BTBD7: variants seen among roughly 807,000 people sequenced by gnomAD.
BTBD7 encodes the protein BTB domain containing 7.
In BTBD7, 38 loss-of-function variants were observed where a neutral mutation model predicts 99.9. The ratio of observed to expected loss-of-function variants is 0.38; its 90% CI spans 0.29 to 0.50. The LOEUF (loss-of-function observed/expected upper bound fraction) is 0.50, where lower values mean the gene tolerates loss of function less well. Among genes scored for constraint, BTBD7 ranks in the 20% least tolerant of loss-of-function variants. BTBD7 has a pLI of 0.93. For synonymous variants in BTBD7, 520 were observed against 511.4 expected, an observed-to-expected ratio of 1.02 and a Z score of -0.23; for missense variants, 1,170 against 1,394.6, an observed-to-expected ratio of 0.84 and a Z score of 2.57.
chr14:93,296,115 T>C lies in BTBD7; in HGVS notation c.-64A>G. ...CAGAGTATAATCCCAGAGGCCTTTA[T>C]GAACCTTCAACCCTGGATCCAGCAG... On this transcript the variant is annotated 5_prime_UTR_variant, in exon 2 of 11. Coordinates refer to ENST00000334746, the MANE Select transcript of BTBD7 (RefSeq NM_001002860.4). 1.3e-6 allele frequency: 2 copies of C among 1,566,036 alleles called. No homozygotes were observed. Among genetic ancestry groups the C allele is most frequent in the East Asian group, 2.3e-5 (1 of 43,312 alleles).
At chr14:93,264,053 G>T in intron 3 of BTBD7, 60 bp from the exon 4 acceptor site, 1 of 1,455,044 alleles carries the variant, frequency 6.9e-7, no homozygotes, top group Non-Finnish European at 9.6e-7. Flanking sequence ...TTGAACATTA[G>T]TGTGCTAGGC....
intron 6 of BTBD7, chr14:93,256,712 C>G (rs2052434579): frequency 6.6e-6 from 1 of 152,476 alleles, no homozygotes; most frequent in East Asian, 1.9e-4. Context: ...AGCCACCGCG[C>G]CCAGCCAATT....
At chr14:93,282,369 T>C (rs1445328347) in intron 3 of BTBD7, among the ~76,000 whole-genome samples, 1 of 151,572 alleles carries the variant, frequency 6.6e-6, no homozygotes, top group East Asian at 1.9e-4. Flanking sequence ...TTCGCTCTGT[T>C]GCCCAGGCTG....
intron 1 of BTBD7, among the ~76,000 whole-genome samples, chr14:93,318,238 A>C (rs1224242482): frequency 6.6e-6 from 1 of 152,202 alleles, no homozygotes; most frequent in Admixed American, 6.5e-5. Flanking sequence ...GCTGGTAATC[A>C]AGAATAAAGC....
intron 3 of BTBD7, among the ~76,000 whole-genome samples, chr14:93,273,209 C>T (rs733559): frequency 0.38 from 58,423 of 151,980 alleles, 12,413 homozygotes; most frequent in African/African-American, 0.58. Flanking sequence ...AAATGAGGTA[C>T]ATGTGGAAGG....
intron 3 of BTBD7, among the ~76,000 whole-genome samples, chr14:93,278,318 G>A (rs369823445): frequency 6.6e-6 from 1 of 152,216 alleles, no homozygotes; most frequent in African/African-American, 2.4e-5. Context: ...GGAAGCTGAG[G>A]TAGGAGAATC....
chr14:93,315,996 G>A (rs554539908), intron 1 of BTBD7, among the ~76,000 whole-genome samples: 11 of 150,728 alleles, frequency 7.3e-5, no homozygotes, highest in African/African-American at 2.7e-4. Flanking sequence ...TTGTTGCCCA[G>A]GATGGAGTAC....
At chr14:93,328,927 A>G (rs1182801456) in intron 1 of BTBD7, among the ~76,000 whole-genome samples, 1 of 152,214 alleles carries the variant, frequency 6.6e-6, no homozygotes, top group African/African-American at 2.4e-5. Flanking sequence ...TCTTTAAAAA[A>G]GAAAGAAAAC....
At chr14:93,331,078 C>G (rs990277197) in intron 1 of BTBD7, among the ~76,000 whole-genome samples, 2 of 151,908 alleles carry the variant, frequency 1.3e-5, no homozygotes, top group Non-Finnish European at 2.9e-5. Context: ...CGAAATATCA[C>G]TCCGTTTTTA....
intron 3 of BTBD7, among the ~76,000 whole-genome samples, chr14:93,276,621 G>A (rs2052658982): frequency 6.6e-6 from 1 of 152,104 alleles, no homozygotes; most frequent in African/African-American, 2.4e-5. Context: ...AAATGAGAAG[G>A]CTATCTACCT....
chr14:93,271,761 T>C (rs970330740), intron 3 of BTBD7, among the ~76,000 whole-genome samples: 1 of 152,122 alleles, frequency 6.6e-6, no homozygotes, highest in East Asian at 1.9e-4. Context: ...TCCCAGCACT[T>C]TGGGAGGCCA....
At chr14:93,271,630 G>C (rs1394619424) in intron 3 of BTBD7, among the ~76,000 whole-genome samples, 1 of 152,146 alleles carries the variant, frequency 6.6e-6, no homozygotes, top group Non-Finnish European at 1.5e-5. Flanking sequence ...AGTGAGTGTG[G>C]CAGGAAGTGA....
rs922607373 is a variant in BTBD7, at chr14:93,241,009, C to T, written c.*1264G>A. On this transcript the variant is annotated 3_prime_UTR_variant, in exon 11 of 11. Coordinates refer to ENST00000334746, the MANE Select transcript of BTBD7 (RefSeq NM_001002860.4). ...CAAATAACATCCATGAGACTGAAGC[C>T]CTTTTGTTTTTTTCCCATAGAGAGC... The T allele has an allele frequency of 6.6e-6, 1 of 152,124 alleles. No homozygotes were observed. Among genetic ancestry groups the T allele is most frequent in the Non-Finnish European group, 1.5e-5 (1 of 68,034 alleles). The allele number at this position is 152,124 out of a possible 1,614,324, so 9.4% of individuals were successfully genotyped here.
intron 2 of BTBD7, 107 bp downstream of exon 2, chr14:93,295,860 AATT>A: frequency 2.0e-6 from 2 of 992,848 alleles, no homozygotes; most frequent in East Asian, 2.7e-5. Context: ...GATGCTGCAG[AATT>A]ATTATAATAA....
chr14:93,312,176 T>C (rs1473319609), intron 1 of BTBD7, among the ~76,000 whole-genome samples: 2 of 152,224 alleles, frequency 1.3e-5, no homozygotes, highest in South Asian at 2.1e-4. Context: ...TTTTAAGTGA[T>C]ATATTTTTAT....
chr14:93,325,737 T>C (rs1382932165), intron 1 of BTBD7, among the ~76,000 whole-genome samples: 2 of 126,118 alleles, frequency 1.6e-5, no homozygotes, highest in Admixed American at 7.4e-5. Context: ...ATTCCCAGTC[T>C]GGTGTTCTAT....
At chr14:93,307,345 G>C (rs930524552) in intron 1 of BTBD7, among the ~76,000 whole-genome samples, 3 of 152,102 alleles carry the variant, frequency 2.0e-5, no homozygotes, top group African/African-American at 4.8e-5. Context: ...TGTAGAGACA[G>C]GGCCTCACTA....
chr14:93,253,474 T>C (rs2052390927), intron 7 of BTBD7, among the ~76,000 whole-genome samples, 173 bp downstream of exon 7: 2 of 152,222 alleles, frequency 1.3e-5, no homozygotes, highest in African/African-American at 4.8e-5. Flanking sequence ...TTAATTAAAA[T>C]TAAACGTTTT....
Position 93,269,102 on chromosome 14 carries a change from T to C in BTBD7, c.1163-5109A>G, listed in dbSNP as rs554311502. Among the ~76,000 whole-genome samples the C allele has an allele frequency of 6.6e-5, 10 of 152,286 alleles. No individual in the cohort carries two copies. The South Asian group carries it at 1.7e-3, about 25-fold the overall frequency. ...TAATCAATGCTCATTAGAACTTATT[T>C]AGAACTACTTCTCTCACGAGCAGAA... On this transcript the variant is annotated intron_variant, in intron 3 of 10. Coordinates refer to ENST00000334746, the MANE Select transcript of BTBD7 (RefSeq NM_001002860.4).
Sources: gnomAD v4.1 joint callset for allele counts (sites outside exome capture counted in the v4.1 genomes callset) on GRCh38, gnomAD v4.1.1 for gene constraint, MANE v1.5 for transcripts, NCBI Gene and HGNC (gene_info 2026-07-23, HGNC 2026-07-21) for gene names.